Variants in FRMD6 observed in about 807,000 individuals in gnomAD.
FRMD6 encodes the protein FERM domain-containing protein 6.
A neutral mutation model predicts 73.2 loss-of-function variants in FRMD6; 37 were observed. That is an observed-to-expected ratio of 0.51 (90% CI 0.39 to 0.66). FRMD6 has a LOEUF of 0.66. Among genes scored for constraint, FRMD6 ranks in the 30% least tolerant of loss-of-function variants. The pLI is 0.00. For synonymous variants in FRMD6, 273 were observed against 282.2 expected, an observed-to-expected ratio of 0.97 and a Z score of 0.33; for missense variants, 714 against 780.5, an observed-to-expected ratio of 0.91 and a Z score of 1.02.
At chr14:51,638,174 C>T (rs1891656258) in intron 2 of FRMD6, among the ~76,000 whole-genome samples, 1 of 152,106 alleles carries the variant, frequency 6.6e-6, no homozygotes, top group Non-Finnish European at 1.5e-5. Context: ...GTCGTCACTA[C>T]TTGGAAGGCT....
At chr14:51,567,737 A>T (rs1015017299) in intron 1 of FRMD6, among the ~76,000 whole-genome samples, 1 of 152,226 alleles carries the variant, frequency 6.6e-6, no homozygotes, top group Non-Finnish European at 1.5e-5. Flanking sequence ...TACATCTGTA[A>T]GGTCTGTACT....
At chr14:51,501,567 C>T (rs1276030739) in intron 1 of FRMD6, among the ~76,000 whole-genome samples, 2 of 152,162 alleles carry the variant, frequency 1.3e-5, no homozygotes, top group African/African-American at 4.8e-5. Context: ...TTTATGGCTC[C>T]ATAGTATTCC....
At chr14:51,679,194 G>T (rs964873416) in intron 1 of FRMD6, among the ~76,000 whole-genome samples, 1 of 151,980 alleles carries the variant, frequency 6.6e-6, no homozygotes, top group African/African-American at 2.4e-5. Flanking sequence ...TAAAAATTTA[G>T]GTGAGAACAC....
intron 9 of FRMD6, 147 bp downstream of exon 9, chr14:51,712,698 G>T: frequency 1.6e-6 from 1 of 625,290 alleles, no homozygotes; most frequent in Non-Finnish European, 2.9e-6. Context: ...AAGATAATTT[G>T]CTTTCTTGTA....
chr14:51,415,789 T>G, the FRMD6 span, among the ~76,000 whole-genome samples: 2 of 152,294 alleles, frequency 1.3e-5, no homozygotes, highest in East Asian at 3.9e-4. Context: ...GTCCTGGACA[T>G]TTTTTGGTTG....
chr14:51,660,081 C>G (rs1893107597), intron 1 of FRMD6, among the ~76,000 whole-genome samples: 2 of 152,154 alleles, frequency 1.3e-5, no homozygotes, highest in Admixed American at 6.5e-5. Flanking sequence ...TCCAGATAAC[C>G]CAGTTCCCCG....
chr14:51,493,770 A>G (rs1883146254), intron 1 of FRMD6, among the ~76,000 whole-genome samples: 1 of 152,228 alleles, frequency 6.6e-6, no homozygotes, highest in Admixed American at 6.5e-5. Flanking sequence ...GAGATGGTCC[A>G]ATGAATGCAA....
chr14:51,462,163 T>C, the FRMD6 span, among the ~76,000 whole-genome samples: 17 of 152,314 alleles, frequency 1.1e-4, no homozygotes, highest in East Asian at 2.1e-3. Context: ...CTGTGAGATG[T>C]TGGAGAAGAG....
intron 11 of FRMD6, among the ~76,000 whole-genome samples, chr14:51,721,709 AG>A (rs1566598179): frequency 8.6e-6 from 1 of 115,738 alleles, no homozygotes; most frequent in African/African-American, 3.4e-5. Context: ...GAAGGAAGGA[AG>A]GAAGGAAGGG....
chr14:51,614,503 T>C (rs758770461), intron 2 of FRMD6, among the ~76,000 whole-genome samples: 2 of 152,220 alleles, frequency 1.3e-5, no homozygotes, highest in South Asian at 2.1e-4. Flanking sequence ...AAGAGTTATA[T>C]GCAATATTTT....
chr14:51,489,663 C>T (rs1415417806), intron 1 of FRMD6, among the ~76,000 whole-genome samples: 1 of 152,174 alleles, frequency 6.6e-6, no homozygotes, highest in Non-Finnish European at 1.5e-5. Context: ...CCACTGCTGT[C>T]AGGGCTAGGA....
At chr14:51,696,019 T>G (rs1448131331) in intron 2 of FRMD6, among the ~76,000 whole-genome samples, 1 of 152,088 alleles carries the variant, frequency 6.6e-6, no homozygotes, top group Non-Finnish European at 1.5e-5. Context: ...AAACTCATTA[T>G]CATTGAAAAA....
At chr14:51,681,448 C>G (rs948341142) in intron 1 of FRMD6, among the ~76,000 whole-genome samples, 65 of 152,224 alleles carry the variant, frequency 4.3e-4, no homozygotes, top group African/African-American at 1.6e-3. Context: ...TATGAGTAAC[C>G]CGTTTAATAA....
chr14:51,488,074 C>T (rs1341660925), upstream of FRMD6, among the ~76,000 whole-genome samples: 1 of 152,210 alleles, frequency 6.6e-6, no homozygotes, highest in Non-Finnish European at 1.5e-5. Context: ...CAGGCAGTTC[C>T]TCTTTCCCTA....
intron 2 of FRMD6, among the ~76,000 whole-genome samples, chr14:51,589,700 G>A (rs1270505375): frequency 6.6e-6 from 1 of 151,950 alleles, no homozygotes; most frequent in Non-Finnish European, 1.5e-5. Flanking sequence ...ATAACCAACT[G>A]TGTCCATGAC....
At chr14:51,592,080 A>G (rs1379550537) in intron 2 of FRMD6, among the ~76,000 whole-genome samples, 1 of 152,230 alleles carries the variant, frequency 6.6e-6, no homozygotes, top group African/African-American at 2.4e-5. Flanking sequence ...AAAAGTTAAT[A>G]TAGGAGTTGG....
chr14:51,686,911 G>A (rs763424817), intron 1 of FRMD6, among the ~76,000 whole-genome samples: 4 of 152,074 alleles, frequency 2.6e-5, no homozygotes, highest in Non-Finnish European at 4.4e-5. Context: ...CATTTCATTG[G>A]AGCCTTTTAA....
chr14:51,594,939 G>A (rs1889628467), intron 2 of FRMD6, among the ~76,000 whole-genome samples: 2 of 152,210 alleles, frequency 1.3e-5, no homozygotes, highest in Admixed American at 6.5e-5. Context: ...TTTGGAGATG[G>A]TGCCTTCAGG....
At chr14:51,477,352 AG>A in the FRMD6 span, among the ~76,000 whole-genome samples, 1 of 152,162 alleles carries the variant, frequency 6.6e-6, no homozygotes, top group Admixed American at 6.5e-5. Flanking sequence ...TTACGTGCAA[AG>A]GCTGTAGGAA....
Sources: gnomAD v4.1 joint callset for allele counts (sites outside exome capture counted in the v4.1 genomes callset) on GRCh38, gnomAD v4.1.1 for gene constraint, MANE v1.5 for transcripts, NCBI Gene and HGNC (gene_info 2026-07-23, HGNC 2026-07-21) for gene names.